Variants in JHY observed in about 807,000 individuals in gnomAD.
JHY encodes the protein jhy protein homolog.
Under a neutral mutation model 78.0 loss-of-function variants are expected in JHY, and 69 were observed. The observed-to-expected ratio is 0.88, with a 90% CI of 0.73 to 1.08. The LOEUF is 1.08. Ranked by LOEUF, JHY falls within the 50% of genes least tolerant of loss-of-function variation. The pLI, the probability that JHY is intolerant of heterozygous loss-of-function variation, is 0.00. For missense variants in JHY, 944 were observed against 927.8 expected (o/e 1.02, Z -0.23); for synonymous variants, 368 against 342.6 (o/e 1.07, Z -0.82).
rs11218891 is a variant in JHY at position 122,924,980 on chromosome 11, T to C, written c.948T>C (p.Asp316=). Residue 316 remains aspartate, a synonymous_variant, in exon 4 of 9, where the codon GAT becomes GAC. Coordinates refer to ENST00000227349, the MANE Select transcript of JHY (RefSeq NM_024806.4). ...AAAATGCTGCCATCGATCCTGAAGA[T>C]AAATGGCATCAAAGAGCACAACAGC... ...EMENAAIDPE[D]KWHQRAQQLK... is the part of the protein sequence containing the mutation. 0.27 allele frequency: 443,404 copies of C among 1,613,116 alleles called. 63,851 individuals carry two copies. The highest frequency in any genetic ancestry group is 0.3 in the Non-Finnish European group (353,911 of 1,179,200).
At position 122,924,819 on chromosome 11, in the gene JHY, AGT is replaced by A. The variant is rs1389538219; in HGVS notation, c.865-76_865-75del. On this transcript the variant is annotated intron_variant, in intron 3 of 8. Transcript: ENST00000227349. ...CTAGCCCAGCAGGACCGTTTTCTAGAGTGCACAGACTTGAGTCCCATGGCTCT... is the reference window on the plus strand; with the variant it reads ...CTAGCCCAGCAGGACCGTTTTCTAGAGCACAGACTTGAGTCCCATGGCTCT... The A allele has an allele frequency of 2.1e-5, 23 of 1,094,052 alleles. No homozygotes were observed. In the East Asian group the frequency reaches 5.6e-4, roughly 27 times the overall value. The allele number at this position is 1,094,052 out of a possible 1,614,324, so 67.8% of individuals were successfully genotyped here.
At chr11:122,902,173 G>T (rs1343295397) in intron 2 of JHY, among the ~76,000 whole-genome samples, 1 of 148,736 alleles carries the variant, frequency 6.7e-6, no homozygotes, top group Non-Finnish European at 1.5e-5. Context: ...ATATGGTGTA[G>T]TGGCTGGGGA....
In JHY at chr11:122,924,938, G is replaced by C; in HGVS notation, c.906G>C (p.Gln302His). Residue 302 changes from glutamine to histidine, a missense_variant, in exon 4 of 9, where the codon CAG (glutamine) becomes CAC (histidine). Physicochemically the swap from Gln to His is conservative, Grantham distance 24. Coordinates refer to ENST00000227349, the MANE Select transcript of JHY (RefSeq NM_024806.4). ...PVRVTDKTSI[Q>H]NAKEMENAAI... ...GAGTAACAGACAAGACGTCTATTCAGAATGCCAAGGAAATGGAAAATGCTG... is the reference window on the plus strand; with the variant it reads ...GAGTAACAGACAAGACGTCTATTCACAATGCCAAGGAAATGGAAAATGCTG... The C allele has an allele frequency of 6.2e-7, 1 of 1,614,074 alleles. No individual in the cohort carries two copies. The highest frequency in any genetic ancestry group is 8.5e-7 in the Non-Finnish European group (1 of 1,179,976).
chr11:122,883,122 G>C lies in JHY; in HGVS notation c.-90+150G>C, dbSNP rs967789402. On this transcript the variant is annotated intron_variant, in intron 1 of 8. Transcript: ENST00000227349. This position sits in a 1 kb window ranked among gnomAD's most constrained non-coding sequence, Gnocchi z 4.4. Reference sequence around the variant, plus strand: ...GAGCCTTCGGGACGGAGTGGGGAGCGACAAGGGGGCGAGGCCGCGACAAGG... The same window carrying C: ...GAGCCTTCGGGACGGAGTGGGGAGCCACAAGGGGGCGAGGCCGCGACAAGG... 3 of 152,782 alleles carry C rather than the reference G, an allele frequency of 2.0e-5. No homozygotes were observed. Among genetic ancestry groups the C allele is most frequent in the Non-Finnish European group, 2.9e-5 (2 of 68,582 alleles). The allele number at this position is 152,782 out of a possible 1,614,324, so 9.5% of individuals were successfully genotyped here. A position where few individuals can be genotyped will look rare whatever the true frequency, so the allele number is the denominator to read the frequency against.
intron 3 of JHY, among the ~76,000 whole-genome samples, chr11:122,919,361 A>T: frequency 7.5e-6 from 1 of 132,752 alleles, no homozygotes; most frequent in Non-Finnish European, 1.6e-5. Context: ...TCAAAAAAAA[A>T]AAAAAAAAAA....
At chr11:122,884,831 G>A (rs765242244) in intron 1 of JHY, among the ~76,000 whole-genome samples, 5 of 151,986 alleles carry the variant, frequency 3.3e-5, no homozygotes, top group Admixed American at 6.6e-5. Context: ...ATAGGGTCAC[G>A]TTCTGTTACC....
chr11:122,926,523 C>A (rs747593290), intron 4 of JHY, among the ~76,000 whole-genome samples: 1 of 152,190 alleles, frequency 6.6e-6, no homozygotes, highest in South Asian at 2.1e-4. Context: ...AATAAAAAGT[C>A]ATTCACCCAG....
intron 3 of JHY, among the ~76,000 whole-genome samples, chr11:122,911,751 C>G (rs1049474977): frequency 6.6e-6 from 1 of 150,678 alleles, no homozygotes; most frequent in Non-Finnish European, 1.5e-5. Flanking sequence ...ACTAAAAATA[C>G]AAAATTAGCT....
chr11:122,904,907 A>G (rs1301819576), intron 3 of JHY, among the ~76,000 whole-genome samples: 3 of 152,208 alleles, frequency 2.0e-5, no homozygotes, highest in South Asian at 4.1e-4. Flanking sequence ...ATGCCCCAGC[A>G]CATTGTGGGT....
Position 122,904,127 on chromosome 11 carries a change from A to C in JHY, c.547A>C (p.Ser183Arg). 1 of 1,614,158 alleles carries C rather than the reference A, an allele frequency of 6.2e-7. No individual in the cohort carries two copies. Among genetic ancestry groups the C allele is most frequent in the Non-Finnish European group, 8.5e-7 (1 of 1,180,016 alleles). Residue 183 changes from serine (S) to arginine (R), a missense_variant, in exon 3 of 9, where the codon AGT becomes CGT. Transcript: ENST00000227349. ...LSGGKGEQKE[S>R]PQSAASLLGS... ...CGGGGGAAAAGGCGAGCAGAAAGAG[A>C]GTCCACAGAGTGCAGCTTCTTTACT...
In JHY at chr11:122,883,639, G is replaced by T. The variant is rs1160479722; in HGVS notation, c.-90+667G>T. 6.6e-6 allele frequency among the ~76,000 whole-genome samples: 1 copy of T among 151,080 alleles called. No individual in the cohort carries two copies. The highest frequency in any genetic ancestry group is 1.9e-4 in the East Asian group (1 of 5,130). ...GGAGCCACATTCATGAAATTTAAAC[G>T]CCCACTTTCTAACTTATTCAAGCTG... On this transcript the variant is annotated intron_variant, in intron 1 of 8. Transcript: ENST00000227349. The surrounding 1 kb of genome is among the most constrained non-coding windows in gnomAD (Gnocchi z 4.4).
intron 4 of JHY, chr11:122,927,299 T>C (rs1056476563): frequency 6.6e-6 from 1 of 152,246 alleles, no homozygotes; most frequent in Non-Finnish European, 1.5e-5. Flanking sequence ...ATGCTTTTTA[T>C]TCCCTGCGTG....
At chr11:122,951,981 G>A (rs1162107642) in intron 6 of JHY, among the ~76,000 whole-genome samples, 1 of 146,328 alleles carries the variant, frequency 6.8e-6, no homozygotes, top group African/African-American at 2.5e-5. Flanking sequence ...GACTATCATT[G>A]TTGATTTACT....
At chr11:122,919,376 A>G (rs74236719) in intron 3 of JHY, among the ~76,000 whole-genome samples, 9,083 of 136,984 alleles carry the variant, frequency 0.066, 639 homozygotes, top group African/African-American at 0.18. Context: ...AAAAAAAAAA[A>G]GAAGTGAAGG....
In JHY at chr11:122,934,439, C is replaced by T. The variant is rs1273776999; in HGVS notation, c.998C>T (p.Ser333Phe). ...CTTTAGAATTACCAGGAACACTGGT[C>T]TCAATATGAAAGTACAAAATCAAGC... ...QQLKNYQEHW[S>F]QYESTKSSNV... is the part of the protein sequence containing the mutation. Residue 333 changes from serine to phenylalanine, a missense_variant, in exon 5 of 9, where the codon TCT becomes TTT. Coordinates refer to ENST00000227349, the MANE Select transcript of JHY (RefSeq NM_024806.4). 6.2e-7 allele frequency: 1 copy of T among 1,606,800 alleles called. No homozygotes were observed. The highest frequency in any genetic ancestry group is 8.5e-7 in the Non-Finnish European group (1 of 1,175,526).
At chr11:122,919,352 C>CAAAAAAAA (rs72233254) in intron 3 of JHY, among the ~76,000 whole-genome samples, 10 of 70,070 alleles carry the variant, frequency 1.4e-4, no homozygotes, top group East Asian at 8.8e-4. Flanking sequence ...GACTCTGTCT[C>CAAAAAAAA]AAAAAAAAAA....
At chr11:122,915,203 G>A (rs1450074841) in intron 3 of JHY, among the ~76,000 whole-genome samples, 1 of 152,188 alleles carries the variant, frequency 6.6e-6, no homozygotes, top group Non-Finnish European at 1.5e-5. Context: ...CCGTTCTGTA[G>A]TAAAGTAAAA....
At chr11:122,945,339 T>C (rs1001289600) in intron 5 of JHY, among the ~76,000 whole-genome samples, 1 of 152,214 alleles carries the variant, frequency 6.6e-6, no homozygotes, top group Non-Finnish European at 1.5e-5. Context: ...TGGTTCTCAT[T>C]AAAACCTCTC....
intron 5 of JHY, among the ~76,000 whole-genome samples, chr11:122,944,035 G>A (rs1398221549): frequency 6.6e-6 from 1 of 152,056 alleles, no homozygotes; most frequent in Non-Finnish European, 1.5e-5. Flanking sequence ...GCAAAACCCT[G>A]TCTCTACAAA....
Sources: allele counts gnomAD v4.1 joint callset (sites outside exome capture counted in the v4.1 genomes callset), GRCh38; gene constraint gnomAD v4.1.1; non-coding constraint Gnocchi (gnomAD v3.1); transcripts MANE v1.5; gene names NCBI Gene and HGNC (gene_info 2026-07-23, HGNC 2026-07-21).